Variants in MINDY4B observed in about 807,000 individuals in gnomAD.
MINDY4B encodes the protein inactive ubiquitin carboxyl-terminal hydrolase MINDY-4B.
In MINDY4B, 25 loss-of-function variants were observed where a neutral mutation model predicts 16.7. That is an observed-to-expected ratio of 1.49 (90% CI 1.09 to 2.09). MINDY4B has a LOEUF of 2.09. Among genes scored for constraint, MINDY4B ranks in the 30% most tolerant of loss-of-function variants. The pLI, the probability that MINDY4B is intolerant of heterozygous loss-of-function variation, is 0.00. For synonymous variants in MINDY4B, 132 were observed against 61.9 expected, an observed-to-expected ratio of 2.13 and a Z score of -5.32; for missense variants, 327 against 168.4, an observed-to-expected ratio of 1.94 and a Z score of -5.21.
intron 10 of MINDY4B, among the ~76,000 whole-genome samples, chr3:150,877,133 A>G (rs1466822142): frequency 1.3e-5 from 2 of 152,252 alleles, no homozygotes; most frequent in Non-Finnish European, 2.9e-5. Context: ...ATTTTATCGC[A>G]GAGTAATAAG....
intron 3 of MINDY4B, among the ~76,000 whole-genome samples, chr3:150,897,483 C>G (rs1250477994): frequency 6.6e-6 from 1 of 152,054 alleles, no homozygotes; most frequent in Non-Finnish European, 1.5e-5. Context: ...AGAGTGTGGA[C>G]AAACGGAGCG....
chr3:150,894,377 T>G (rs1211679012), intron 3 of MINDY4B, 72 bp from the exon 4 acceptor site: 5 of 617,472 alleles, frequency 8.1e-6, no homozygotes, highest in Non-Finnish European at 1.1e-5. Flanking sequence ...GGTGGCCTCA[T>G]GGCCACCTCA....
chr3:150,901,521 T>A (rs1401425101), intron 3 of MINDY4B: 1 of 130,802 alleles, frequency 7.6e-6, no homozygotes, highest in African/African-American at 3.4e-5. Flanking sequence ...TCTTTTCTTT[T>A]CTTTTTTTTT....
intron 10 of MINDY4B, among the ~76,000 whole-genome samples, chr3:150,875,715 C>T (rs1427428769): frequency 6.6e-6 from 1 of 152,130 alleles, no homozygotes; most frequent in Non-Finnish European, 1.5e-5. Context: ...ACAGAGCTCT[C>T]ATAGTGAGCA....
intron 3 of MINDY4B, among the ~76,000 whole-genome samples, chr3:150,896,351 C>T (rs965419917): frequency 5.9e-5 from 9 of 152,100 alleles, no homozygotes; most frequent in South Asian, 2.1e-4. Flanking sequence ...TAATAACCAA[C>T]GTCCTGAATC....
At chr3:150,901,862 C>T (rs1331768174) in intron 3 of MINDY4B, among the ~76,000 whole-genome samples, 1 of 152,034 alleles carries the variant, frequency 6.6e-6, no homozygotes, top group Non-Finnish European at 1.5e-5. Flanking sequence ...GCAAGTGAGG[C>T]CTCCCAGTGC....
At chr3:150,898,239 A>G (rs897682230) in intron 3 of MINDY4B, among the ~76,000 whole-genome samples, 2 of 152,238 alleles carry the variant, frequency 1.3e-5, no homozygotes, top group African/African-American at 4.8e-5. Flanking sequence ...ACACAGATGG[A>G]AAAAGACCAG....
At chr3:150,888,591 G>A (rs1019049659) in intron 7 of MINDY4B, among the ~76,000 whole-genome samples, 6 of 152,136 alleles carry the variant, frequency 3.9e-5, no homozygotes, top group African/African-American at 1.4e-4. Context: ...TGATCACAAT[G>A]TGCAACCCCG....
rs1339094086 is a variant in MINDY4B at position 150,883,682 on chromosome 3, CAG to C, written c.897+16_897+17del. ...TAATTCAGATTCTACAATAGAAAGG[CAG>C]AGTCTTCCAGCTCACCTGCCTGCAC... On this transcript the variant is annotated intron_variant, in intron 9 of 11. Coordinates refer to ENST00000465419, the MANE Select transcript of MINDY4B (RefSeq NM_001351281.2). 4 of 702,366 alleles carry C rather than the reference CAG, an allele frequency of 5.7e-6. No individual in the cohort carries two copies. In the Admixed American group the frequency reaches 8.0e-5, roughly 14 times the overall value. 43.5% of individuals were successfully genotyped at this position (702,366 alleles called of 1,614,324 possible).
At chr3:150,898,449 G>A (rs1447021162) in intron 3 of MINDY4B, among the ~76,000 whole-genome samples, 1 of 152,210 alleles carries the variant, frequency 6.6e-6, no homozygotes, top group Admixed American at 6.5e-5. Context: ...TAAAAACAGA[G>A]GGGCTGCAGT....
rs148226775 is a variant in MINDY4B at position 150,897,099 on chromosome 3, A to T, written c.310-2794T>A. Among the ~76,000 whole-genome samples the T allele has an allele frequency of 5.8e-3, 879 of 152,210 alleles. 4 individuals are homozygous for T. Among genetic ancestry groups the T allele is most frequent in the African/African-American group, 0.02 (844 of 41,522 alleles). ...GAGTGGACAAGGGGATCACTTTCTC[A>T]CTAGGTAACTCAAGGATATGTAACA... On this transcript the variant is annotated intron_variant, in intron 3 of 11. Coordinates refer to ENST00000465419, the MANE Select transcript of MINDY4B (RefSeq NM_001351281.2).
chr3:150,878,361 T>C (rs980250866), intron 10 of MINDY4B, among the ~76,000 whole-genome samples: 3 of 152,238 alleles, frequency 2.0e-5, no homozygotes, highest in South Asian at 2.1e-4. Flanking sequence ...GTTTCTAACA[T>C]ATTCATACAT....
At chr3:150,889,993 C>T (rs556984020) in intron 7 of MINDY4B, among the ~76,000 whole-genome samples, 3 of 152,204 alleles carry the variant, frequency 2.0e-5, no homozygotes, top group South Asian at 2.1e-4. Flanking sequence ...TATTTTTTCA[C>T]CATTTTGTTT....
intron 7 of MINDY4B, among the ~76,000 whole-genome samples, chr3:150,886,206 G>A (rs1270441734): frequency 6.6e-6 from 1 of 152,216 alleles, no homozygotes; most frequent in Non-Finnish European, 1.5e-5. Context: ...TTAGCTTGAT[G>A]ACAACACTCT....
In MINDY4B at chr3:150,894,080, A is replaced by G. The variant is rs956751578; in HGVS notation, c.429+106T>C. 15 of 539,596 alleles carry G rather than the reference A, an allele frequency of 2.8e-5. No individual in the cohort carries two copies. In the South Asian group the frequency reaches 3.6e-4, roughly 13 times the overall value. The allele number at this position is 539,596 out of a possible 1,614,324, so 33.4% of individuals were successfully genotyped here. On this transcript the variant is annotated intron_variant, in intron 4 of 11. Coordinates refer to ENST00000465419, the MANE Select transcript of MINDY4B (RefSeq NM_001351281.2). ...CTTTACATTATAAATATATTTCTAC[A>G]CATGATTATAATGAAGACATGCATT...
chr3:150,889,431 C>A (rs976305478), intron 7 of MINDY4B, among the ~76,000 whole-genome samples: 13 of 152,220 alleles, frequency 8.5e-5, no homozygotes, highest in African/African-American at 1.2e-4. Context: ...ATATTAATGA[C>A]CCTTGTGATT....
intron 9 of MINDY4B, 78 bp downstream of exon 9, chr3:150,883,614 CTTTTCTTT>C: frequency 1.5e-6 from 1 of 662,566 alleles, no homozygotes; most frequent in East Asian, 2.7e-5. Context: ...ATTCAGATTG[CTTTTCTTT>C]TTTTCTTTTT....
intron 8 of MINDY4B, among the ~76,000 whole-genome samples, chr3:150,884,567 G>A (rs1036569377): frequency 2.0e-5 from 3 of 152,130 alleles, no homozygotes; most frequent in Non-Finnish European, 1.5e-5. Flanking sequence ...GGACATTAAC[G>A]TTTAGGAAGA....
In MINDY4B at chr3:150,870,812, G is replaced by A. The variant is rs953742171; in HGVS notation, c.*233C>T. Reference sequence around the variant, plus strand: ...GAAAGAAACCAGTCTATGTGACTACGGAGGAGGCACCATGCAGGCCCTGGT... The same window carrying A: ...GAAAGAAACCAGTCTATGTGACTACAGAGGAGGCACCATGCAGGCCCTGGT... On this transcript the variant is annotated 3_prime_UTR_variant, in exon 12 of 12. Transcript: ENST00000465419. Among the ~76,000 whole-genome samples the A allele has an allele frequency of 6.6e-6, 1 of 152,196 alleles. No individual in the cohort carries two copies. The highest frequency in any genetic ancestry group is 2.4e-5 in the African/African-American group (1 of 41,454).
Sources: gnomAD v4.1 joint callset for allele counts (sites outside exome capture counted in the v4.1 genomes callset) on GRCh38, gnomAD v4.1.1 for gene constraint, MANE v1.5 for transcripts, NCBI Gene and HGNC (gene_info 2026-07-23, HGNC 2026-07-21) for gene names.